The following SORCS2 variants were observed in gnomAD, a reference collection of about 807,000 sequenced individuals.
The protein encoded by SORCS2 is sortilin related VPS10 domain containing receptor 2.
SORCS2 carries 100 observed loss-of-function variants against 141.6 expected under a neutral mutation model. The observed-to-expected ratio is 0.71, with a 90% CI of 0.60 to 0.83. The LOEUF is 0.83. SORCS2 is among the 40% of genes least tolerant of loss of function. The pLI is 0.00. For synonymous variants in SORCS2, 789 were observed against 676.9 expected (o/e 1.17, Z -2.57); for missense variants, 1,646 against 1,560.2 (o/e 1.05, Z -0.93).
intron 1 of SORCS2, among the ~76,000 whole-genome samples, chr4:7,228,674 A>C (rs1346498796): frequency 6.6e-6 from 1 of 150,702 alleles, no homozygotes; most frequent in African/African-American, 2.4e-5. Context: ...GACCTGATCC[A>C]CTCCTGGATC....
intron 14 of SORCS2, among the ~76,000 whole-genome samples, chr4:7,707,493 A>G (rs1231873504): frequency 1.3e-5 from 2 of 152,216 alleles, no homozygotes; most frequent in African/African-American, 4.8e-5. Flanking sequence ...AGGGTATTTA[A>G]GATGAGCGGG....
intron 1 of SORCS2, among the ~76,000 whole-genome samples, chr4:7,381,052 A>G (rs1212902420): frequency 7.0e-6 from 1 of 143,444 alleles, no homozygotes; most frequent in Non-Finnish European, 1.5e-5. Flanking sequence ...ACTGCACTCC[A>G]GCCTGGGTGA....
In SORCS2 at chr4:7,233,556, G is replaced by T. The variant is rs747140212; in HGVS notation, c.480+40430G>T. ...CAGACACTGGCAGCTGTGGTGGTGG[G>T]TGGACGGGGTGGGTGCTGGGACGAG... On this transcript the variant is annotated intron_variant, in intron 1 of 26. Transcript: ENST00000507866. The surrounding 1 kb of genome is among the most constrained non-coding windows in gnomAD (Gnocchi z 4.5). Among the ~76,000 whole-genome samples, 4 of 152,186 alleles carry T rather than the reference G, an allele frequency of 2.6e-5. No individual in the cohort carries two copies. Among genetic ancestry groups the T allele is most frequent in the African/African-American group, 4.8e-5 (2 of 41,434 alleles).
chr4:7,387,892 G>A (rs946296863), intron 1 of SORCS2, among the ~76,000 whole-genome samples: 1 of 115,596 alleles, frequency 8.7e-6, no homozygotes, highest in South Asian at 3.2e-4. Context: ...GCACACACAG[G>A]CACACAGAGA....
At position 7,682,856 on chromosome 4, in the gene SORCS2, G is replaced by C. The variant is rs868810997; in HGVS notation, c.1455G>C (p.Met485Ile). The C allele has an allele frequency of 6.2e-7, 1 of 1,613,496 alleles. No homozygotes were observed. Among genetic ancestry groups the C allele is most frequent in the Non-Finnish European group, 8.5e-7 (1 of 1,179,720 alleles). The stretch of plus-strand genomic sequence containing the variant: ...GGGATTACCTGAGGCCACCCAGCAT[G>C]GACATGAATGGAAAACCAACCAACT... The part of the protein sequence containing the change: ...RDWDYLRPPS[M>I]DMNGKPTNCK... Residue 485 changes from methionine to isoleucine, a missense_variant, in exon 10 of 27, where the codon ATG becomes ATC. Coordinates refer to ENST00000507866, the MANE Select transcript of SORCS2 (RefSeq NM_020777.3).
chr4:7,691,442 G>A (rs188996866), intron 11 of SORCS2, among the ~76,000 whole-genome samples: 1 of 152,292 alleles, frequency 6.6e-6, no homozygotes, highest in East Asian at 1.9e-4. Context: ...CTACGTGCAG[G>A]GCTGGGTCTG....
intron 2 of SORCS2, among the ~76,000 whole-genome samples, chr4:7,518,767 G>A (rs1733143623): frequency 6.6e-6 from 1 of 152,150 alleles, no homozygotes; most frequent in South Asian, 2.1e-4. Flanking sequence ...CACCATGTCA[G>A]GCCAGAGACT....
intron 1 of SORCS2, among the ~76,000 whole-genome samples, chr4:7,305,582 A>T (rs1199633359): frequency 2.0e-5 from 3 of 152,118 alleles, no homozygotes; most frequent in Non-Finnish European, 2.9e-5. Context: ...CATGGCTCTA[A>T]GGCCCCCCCA....
intron 1 of SORCS2, among the ~76,000 whole-genome samples, chr4:7,266,493 T>C (rs759969393): frequency 6.6e-6 from 1 of 152,230 alleles, no homozygotes; most frequent in African/African-American, 2.4e-5. Context: ...ATGTCTCTGA[T>C]CATCTCCAGG....
intron 1 of SORCS2, among the ~76,000 whole-genome samples, chr4:7,277,019 A>C (rs1715545011): frequency 6.6e-6 from 1 of 152,094 alleles, no homozygotes; most frequent in African/African-American, 2.4e-5. Flanking sequence ...CTGGGCTTTT[A>C]AACACCTTGG....
intron 23 of SORCS2, 64 bp from the exon 24 acceptor site, chr4:7,733,258 C>T: frequency 7.8e-7 from 1 of 1,288,700 alleles, no homozygotes; most frequent in Non-Finnish European, 1.1e-6. Flanking sequence ...GACCCCATCC[C>T]CCTTCCCTTT....
At chr4:7,326,678 G>A (rs548390476) in intron 1 of SORCS2, among the ~76,000 whole-genome samples, 33 of 152,348 alleles carry the variant, frequency 2.2e-4, no homozygotes, top group African/African-American at 6.5e-4. Context: ...TGACAGCCTC[G>A]CCGCCAGGGC....
chr4:7,722,471 A>G (rs996623866), intron 18 of SORCS2, among the ~76,000 whole-genome samples: 1 of 152,174 alleles, frequency 6.6e-6, no homozygotes, highest in Admixed American at 6.5e-5. Context: ...CTGAACCCAC[A>G]CAAGTCTCCG....
At chr4:7,715,160 C>A (rs762450305) in intron 16 of SORCS2, 23 bp from the exon 17 acceptor site, 4 of 1,612,080 alleles carry the variant, frequency 2.5e-6, no homozygotes, top group South Asian at 1.1e-5. Flanking sequence ...CCGTCACTTA[C>A]CACTACTCTT....
chr4:7,707,889 G>C (rs1725570893), intron 14 of SORCS2, among the ~76,000 whole-genome samples: 1 of 152,044 alleles, frequency 6.6e-6, no homozygotes, highest in Admixed American at 6.5e-5. Context: ...ATCACCCCCA[G>C]GACCAGGGCC....
intron 11 of SORCS2, among the ~76,000 whole-genome samples, chr4:7,690,716 A>G (rs569199452): frequency 6.6e-6 from 1 of 152,052 alleles, no homozygotes; most frequent in Admixed American, 6.6e-5. Flanking sequence ...AAACTGATAG[A>G]TGGGTAGGTG....
intron 1 of SORCS2, among the ~76,000 whole-genome samples, chr4:7,367,963 G>A (rs1172503948): frequency 6.6e-6 from 1 of 152,200 alleles, no homozygotes; most frequent in Non-Finnish European, 1.5e-5. Flanking sequence ...CTCTCCCTCT[G>A]AGTGCTTGGG....
chr4:7,701,813 C>T (rs1032231101), intron 12 of SORCS2, among the ~76,000 whole-genome samples: 3 of 152,206 alleles, frequency 2.0e-5, no homozygotes, highest in African/African-American at 4.8e-5. Flanking sequence ...AGAGGGAAGA[C>T]GGGCGCAGAT....
At chr4:7,325,902 G>C (rs550329094) in intron 1 of SORCS2, among the ~76,000 whole-genome samples, 215 of 152,294 alleles carry the variant, frequency 1.4e-3, no homozygotes, top group Admixed American at 4.2e-3. Flanking sequence ...GGGCGGGGCG[G>C]AGTTGGGGGG....
Sources: gnomAD v4.1 joint callset for allele counts (sites outside exome capture counted in the v4.1 genomes callset) on GRCh38, gnomAD v4.1.1 for gene constraint, Gnocchi (gnomAD v3.1) non-coding constraint, MANE v1.5 for transcripts, NCBI Gene and HGNC (gene_info 2026-07-23, HGNC 2026-07-21) for gene names.